BCAR3: variants seen among roughly 807,000 people sequenced by gnomAD.
BCAR3 encodes the protein BCAR3 adaptor protein, NSP family member.
A neutral mutation model predicts 80.1 loss-of-function variants in BCAR3; 37 were observed. That is an observed-to-expected ratio of 0.46 (90% confidence interval 0.36 to 0.61). The LOEUF (loss-of-function observed/expected upper bound fraction) is 0.61, where lower values mean the gene tolerates loss of function less well. Among genes scored for constraint, BCAR3 ranks in the 20% least tolerant of loss-of-function variants. BCAR3 has a pLI of 0.00. For missense variants in BCAR3, 978 were observed against 1,068.2 expected (o/e 0.92, Z 1.18); for synonymous variants, 389 against 418.9 (o/e 0.93, Z 0.87).
intron 3 of BCAR3, among the ~76,000 whole-genome samples, chr1:93,628,451 C>T (rs1432348641): frequency 6.6e-6 from 1 of 152,202 alleles, no homozygotes; most frequent in Non-Finnish European, 1.5e-5. Flanking sequence ...CTCTGACACA[C>T]AATCCCTCGC....
chr1:93,727,494 C>A (rs1258391064), intron 2 of BCAR3, among the ~76,000 whole-genome samples: 1 of 152,164 alleles, frequency 6.6e-6, no homozygotes, highest in Non-Finnish European at 1.5e-5. Flanking sequence ...GGACTTTATT[C>A]AAGAATTTGG....
chr1:93,842,305 C>T (rs1193954090), intron 2 of BCAR3, among the ~76,000 whole-genome samples: 1 of 152,234 alleles, frequency 6.6e-6, no homozygotes. Context: ...GCATGTGCCA[C>T]CACACCTGGG....
chr1:93,750,869 A>G (rs1651533103), intron 2 of BCAR3, among the ~76,000 whole-genome samples: 1 of 152,186 alleles, frequency 6.6e-6, no homozygotes, highest in Non-Finnish European at 1.5e-5. Flanking sequence ...GATGCCCCAG[A>G]TATCGTGGAG....
At chr1:93,819,635 T>C (rs955292168) in intron 2 of BCAR3, among the ~76,000 whole-genome samples, 7 of 152,370 alleles carry the variant, frequency 4.6e-5, no homozygotes, top group Admixed American at 3.3e-4. Flanking sequence ...TATTAAATAT[T>C]GGACCTTTGC....
intron 2 of BCAR3, among the ~76,000 whole-genome samples, chr1:93,756,267 A>C (rs188900421): frequency 6.6e-6 from 1 of 152,296 alleles, no homozygotes; most frequent in East Asian, 1.9e-4. Context: ...CTTAGAAAAC[A>C]ATGGTTGGCC....
At chr1:93,800,088 T>A (rs1248821973) in intron 2 of BCAR3, among the ~76,000 whole-genome samples, 1 of 152,228 alleles carries the variant, frequency 6.6e-6, no homozygotes, top group Non-Finnish European at 1.5e-5. Context: ...GTGGAAGAGA[T>A]AATCCATCCT....
chr1:93,766,121 T>C (rs1652139489), intron 2 of BCAR3, among the ~76,000 whole-genome samples: 1 of 152,196 alleles, frequency 6.6e-6, no homozygotes, highest in Non-Finnish European at 1.5e-5. Context: ...ACCACCATGC[T>C]ACTCTGCTTC....
intron 2 of BCAR3, among the ~76,000 whole-genome samples, chr1:93,813,681 C>T (rs958229153): frequency 6.6e-6 from 1 of 152,150 alleles, no homozygotes; most frequent in Non-Finnish European, 1.5e-5. Flanking sequence ...ATTTCGGGAT[C>T]AAAGACATTC....
chr1:93,576,390 T>TAAGTG (rs764368993), intron 7 of BCAR3, among the ~76,000 whole-genome samples: 5 of 152,356 alleles, frequency 3.3e-5, no homozygotes, highest in South Asian at 2.1e-4. Flanking sequence ...ACAGATTTGT[T>TAAGTG]AAGTGTTTCT....
At chr1:93,796,554 C>G (rs1653278829) in intron 2 of BCAR3, among the ~76,000 whole-genome samples, 1 of 151,236 alleles carries the variant, frequency 6.6e-6, no homozygotes, top group Non-Finnish European at 1.5e-5. Context: ...CGCCCACTGT[C>G]TGGCACTCCC....
At chr1:93,843,735 T>C (rs994324209) in intron 2 of BCAR3, among the ~76,000 whole-genome samples, 4 of 152,244 alleles carry the variant, frequency 2.6e-5, no homozygotes, top group Non-Finnish European at 5.9e-5. Flanking sequence ...TGCCACTTTT[T>C]CACATGCTAC....
At chr1:93,638,868 G>A (rs536463110) in intron 3 of BCAR3, among the ~76,000 whole-genome samples, 6 of 152,234 alleles carry the variant, frequency 3.9e-5, no homozygotes, top group African/African-American at 1.4e-4. Flanking sequence ...GGAAAAAATT[G>A]TGAGGAGAGA....
In BCAR3 at chr1:93,768,257, A is replaced by ATGTG. The variant is rs571652921; in HGVS notation, c.-62-62119_-62-62116dup. Among the ~76,000 whole-genome samples, 139 of 136,702 alleles carry ATGTG rather than the reference A, an allele frequency of 1.0e-3. 2 individuals carry two copies. Among genetic ancestry groups the ATGTG allele is most frequent in the African/African-American group, 4.5e-3 (134 of 30,032 alleles). 89.7% of individuals were successfully genotyped at this position (136,702 alleles called of 152,430 possible). On this transcript the variant is annotated intron_variant, in intron 2 of 13. Coordinates refer to the BCAR3 transcript ENST00000370244. Reference sequence around the variant, plus strand: ...AAGCTCTGCTCAAAAGACTGAGTGAATGTGTGTGTGTTTGTGTGTGTGTGT... The same window carrying ATGTG: ...AAGCTCTGCTCAAAAGACTGAGTGAATGTGTGTGTGTGTGTTTGTGTGTGTGTGT...
At chr1:93,654,631 C>G (rs1227003383) in intron 2 of BCAR3, among the ~76,000 whole-genome samples, 1 of 152,196 alleles carries the variant, frequency 6.6e-6, no homozygotes, top group Non-Finnish European at 1.5e-5. Flanking sequence ...TGAACATGCT[C>G]ATTGTCTATT....
chr1:93,662,467 TAA>T (rs958602331), intron 2 of BCAR3, among the ~76,000 whole-genome samples: 3 of 151,548 alleles, frequency 2.0e-5, no homozygotes, highest in African/African-American at 7.3e-5. Flanking sequence ...TCTTTTTTTT[TAA>T]AAAAAAATCT....
intron 2 of BCAR3, chr1:93,845,462 T>TATATATATA: frequency 1.2e-5 from 1 of 80,148 alleles, no homozygotes; most frequent in African/African-American, 5.9e-5. Context: ...CATAACAATT[T>TATATATATA]TATATATATA....
chr1:93,635,155 G>A (rs1261208987), intron 3 of BCAR3, among the ~76,000 whole-genome samples: 1 of 151,992 alleles, frequency 6.6e-6, no homozygotes, highest in Non-Finnish European at 1.5e-5. Flanking sequence ...AGAAGTTTGA[G>A]GTTACAGTGA....
intron 2 of BCAR3, among the ~76,000 whole-genome samples, chr1:93,832,661 T>G (rs1163499237): frequency 6.6e-6 from 1 of 152,160 alleles, no homozygotes; most frequent in African/African-American, 2.4e-5. Context: ...TACCTTCTTT[T>G]CAAGGGCGTG....
chr1:93,688,600 A>G (rs1649055032), intron 3 of BCAR3, among the ~76,000 whole-genome samples: 1 of 150,468 alleles, frequency 6.6e-6, no homozygotes, highest in Non-Finnish European at 1.5e-5. Context: ...TACATTACTT[A>G]TTTATTTATT....
Sources: gnomAD v4.1 joint callset for allele counts (sites outside exome capture counted in the v4.1 genomes callset) on GRCh38, gnomAD v4.1.1 for gene constraint, MANE v1.5 for transcripts, NCBI Gene and HGNC (gene_info 2026-07-23, HGNC 2026-07-21) for gene names.